The following LRBA variants were observed in gnomAD, a reference collection of about 807,000 sequenced individuals.
The protein encoded by LRBA is lipopolysaccharide-responsive and beige-like anchor protein.
In LRBA, 176 loss-of-function variants were observed where a neutral mutation model predicts 330.0. The observed-to-expected ratio is 0.53, with a 90% CI of 0.47 to 0.60. The LOEUF (loss-of-function observed/expected upper bound fraction) is 0.60. LRBA is among the 20% of genes least tolerant of loss of function. The pLI is 0.00. For synonymous variants in LRBA, 1,230 were observed against 1,193.0 expected (o/e 1.03, Z -0.64); for missense variants, 3,259 against 3,444.8 (o/e 0.95, Z 1.35).
At chr4:150,625,023 T>C (rs1776710156) in intron 37 of LRBA, among the ~76,000 whole-genome samples, 1 of 152,176 alleles carries the variant, frequency 6.6e-6, no homozygotes, top group Non-Finnish European at 1.5e-5. Context: ...GGAAAATAAC[T>C]AGAAAATAGG....
intron 48 of LRBA, among the ~76,000 whole-genome samples, chr4:150,345,348 C>A (rs1736142269): frequency 6.6e-6 from 1 of 152,170 alleles, no homozygotes; most frequent in African/African-American, 2.4e-5. Context: ...ATGTTTTCTG[C>A]TTTCTTGCCT....
At position 150,467,801 on chromosome 4, in the gene LRBA, G is replaced by T; in HGVS notation, c.6668-16C>A. 8.8e-7 allele frequency: 1 copy of T among 1,141,934 alleles called. No individual in the cohort carries two copies. The highest frequency in any genetic ancestry group is 1.3e-6 in the Non-Finnish European group (1 of 779,286). The allele number at this position is 1,141,934 out of a possible 1,614,324, so 70.7% of individuals were successfully genotyped here. ...TAACTCCGTCCTGATAGGGAAAAAA[G>T]TTACTCGTAATTTATAATTTTAAAA... On this transcript the variant is annotated splice_polypyrimidine_tract_variant and intron_variant, in intron 43 of 56. Coordinates refer to ENST00000651943, the MANE Select transcript of LRBA (RefSeq NM_001364905.1).
At chr4:150,680,106 A>C (rs942029200) in intron 37 of LRBA, among the ~76,000 whole-genome samples, 1 of 151,922 alleles carries the variant, frequency 6.6e-6, no homozygotes, top group Non-Finnish European at 1.5e-5. Flanking sequence ...TACTTCTGCC[A>C]CTCTGTTCAT....
At chr4:150,953,685 G>C (rs946328399) in intron 2 of LRBA, among the ~76,000 whole-genome samples, 2 of 152,020 alleles carry the variant, frequency 1.3e-5, no homozygotes. Context: ...CCAGGCTGGA[G>C]TGCAGTGGTG....
intron 40 of LRBA, among the ~76,000 whole-genome samples, chr4:150,578,028 A>G (rs1770758670): frequency 2.0e-5 from 3 of 152,208 alleles, no homozygotes; most frequent in South Asian, 4.1e-4. Flanking sequence ...TATAAAAATG[A>G]CAGGCAAAGG....
chr4:150,876,713 G>A (rs1309179148), intron 17 of LRBA, among the ~76,000 whole-genome samples: 1 of 152,160 alleles, frequency 6.6e-6, no homozygotes, highest in Non-Finnish European at 1.5e-5. Context: ...CCTTAAGGGA[G>A]TTCTAAACAC....
chr4:150,301,212 A>T (rs1729634880), intron 53 of LRBA, among the ~76,000 whole-genome samples: 1 of 152,088 alleles, frequency 6.6e-6, no homozygotes, highest in Non-Finnish European at 1.5e-5. Flanking sequence ...CATGATGAAA[A>T]GAACATGGTA....
At chr4:150,698,605 G>A (rs1427634024) in intron 36 of LRBA, among the ~76,000 whole-genome samples, 4 of 152,148 alleles carry the variant, frequency 2.6e-5, no homozygotes, top group African/African-American at 7.2e-5. Flanking sequence ...GAGTAAAATA[G>A]CTGTTTTTTT....
chr4:150,975,732 G>A (rs1045280239), intron 2 of LRBA, among the ~76,000 whole-genome samples: 2 of 151,792 alleles, frequency 1.3e-5, no homozygotes, highest in Non-Finnish European at 2.9e-5. Context: ...AATAATCAAT[G>A]AATATAAAAA....
chr4:150,567,213 T>C (rs1769249843), intron 40 of LRBA, among the ~76,000 whole-genome samples: 1 of 152,070 alleles, frequency 6.6e-6, no homozygotes, highest in Non-Finnish European at 1.5e-5. Flanking sequence ...ATTTAAAAAA[T>C]AAAAAACGTG....
chr4:150,312,154 T>A (rs1731158945), intron 51 of LRBA, among the ~76,000 whole-genome samples: 1 of 152,112 alleles, frequency 6.6e-6, no homozygotes, highest in Non-Finnish European at 1.5e-5. Context: ...GACCACAAAG[T>A]ACCCATTGGC....
intron 2 of LRBA, among the ~76,000 whole-genome samples, chr4:150,996,470 TAA>T (rs1177680282): frequency 1.3e-5 from 2 of 152,068 alleles, no homozygotes; most frequent in Non-Finnish European, 1.5e-5. Flanking sequence ...CCCTAAATAT[TAA>T]AGAGTTGGTC....
Position 150,583,275 on chromosome 4 carries a change from G to A in LRBA, c.6330+4773C>T, listed in dbSNP as rs1312761813. 2 of 1,614,220 alleles carry A rather than the reference G, an allele frequency of 1.2e-6. No individual in the cohort carries two copies. The highest frequency in any genetic ancestry group is 8.5e-7 in the Non-Finnish European group (1 of 1,180,048). On this transcript the variant is annotated intron_variant, in intron 40 of 56. Coordinates refer to ENST00000651943, the MANE Select transcript of LRBA (RefSeq NM_001364905.1). The surrounding 1 kb of genome is among the most constrained non-coding windows in gnomAD (Gnocchi z 9.8). The stretch of plus-strand genomic sequence containing the variant: ...TTGAGGTGGTGCTCTACCTAAACCA[G>A]ATGGGCGTCTTCAACTTCGTGGACG...
At chr4:150,442,791 T>C (rs930929641) in intron 44 of LRBA, among the ~76,000 whole-genome samples, 1 of 152,172 alleles carries the variant, frequency 6.6e-6, no homozygotes, top group African/African-American at 2.4e-5. Context: ...GCATCTGATA[T>C]ATGTTAACAT....
intron 28 of LRBA, among the ~76,000 whole-genome samples, chr4:150,836,160 C>T (rs1748031496): frequency 6.6e-6 from 1 of 152,130 alleles, no homozygotes; most frequent in African/African-American, 2.4e-5. Context: ...CCCACTTGAT[C>T]ATGGTGGATA....
intron 2 of LRBA, among the ~76,000 whole-genome samples, chr4:150,937,988 T>C (rs1022110456): frequency 6.6e-6 from 1 of 151,772 alleles, no homozygotes; most frequent in African/African-American, 2.4e-5. Flanking sequence ...ATTCAAATAC[T>C]TCAAAGTAAA....
At chr4:150,805,605 A>AGAAAG (rs138624886) in intron 33 of LRBA, among the ~76,000 whole-genome samples, 12 of 64,030 alleles carry the variant, frequency 1.9e-4, no homozygotes, top group Non-Finnish European at 3.3e-4. Flanking sequence ...GGAAAGGAAA[A>AGAAAG]GAAAGGAAAG....
intron 28 of LRBA, among the ~76,000 whole-genome samples, chr4:150,838,250 A>G (rs965792723): frequency 1.3e-5 from 2 of 152,066 alleles, no homozygotes; most frequent in South Asian, 2.1e-4. Flanking sequence ...AACTTTGGTG[A>G]ATTTCACAAT....
At position 150,533,479 on chromosome 4, in the gene LRBA, AT is replaced by A. The variant is rs75636793; in HGVS notation, c.6331-42445del. 7.9e-3 allele frequency among the ~76,000 whole-genome samples: 1,193 copies of A among 151,062 alleles called. 18 individuals are homozygous for A. The highest frequency in any genetic ancestry group is 0.026 in the African/African-American group (1,090 of 41,142). ...GAGCCATCATGCCCAGCCAAAACCC[AT>A]TTTTTTTTAATTATTGGGAAAGATA... On this transcript the variant is annotated intron_variant, in intron 40 of 56. Coordinates refer to ENST00000651943, the MANE Select transcript of LRBA (RefSeq NM_001364905.1).
Sources: allele counts gnomAD v4.1 joint callset (sites outside exome capture counted in the v4.1 genomes callset), GRCh38; gene constraint gnomAD v4.1.1; non-coding constraint Gnocchi (gnomAD v3.1); transcripts MANE v1.5; gene names NCBI Gene and HGNC (gene_info 2026-07-23, HGNC 2026-07-21).